Variants in LRRC37A observed in about 807,000 individuals in gnomAD.
LRRC37A encodes leucine-rich repeat-containing protein 37A.
LRRC37A carries 3 observed loss-of-function variants against 35.4 expected under a neutral mutation model. The ratio of observed to expected loss-of-function variants is 0.08; its 90% confidence interval spans 0.04 to 0.22. The LOEUF (loss-of-function observed/expected upper bound fraction) is 0.22. Among genes scored for constraint, LRRC37A ranks in the 10% least tolerant of loss-of-function variants. The pLI, the probability that LRRC37A is intolerant of heterozygous loss-of-function variation, is 1.00. For synonymous variants in LRRC37A, 23 were observed against 215.0 expected, an observed-to-expected ratio of 0.11 and a Z score of 7.81; for missense variants, 67 against 565.3, an observed-to-expected ratio of 0.12 and a Z score of 8.94.
chr17:46,286,250 A>T, the LRRC37A span, among the ~76,000 whole-genome samples: 16,197 of 150,352 alleles, frequency 0.11, 1,300 homozygotes, highest in Non-Finnish European at 0.16. Context: ...ACATTAATTT[A>T]GTATTTTTGA....
chr17:46,256,808 A>T, the LRRC37A span, among the ~76,000 whole-genome samples: 1 of 152,164 alleles, frequency 6.6e-6, no homozygotes, highest in Non-Finnish European at 1.5e-5. Context: ...ACCACCAAGA[A>T]GTCAGGTCTT....
At chr17:46,252,214 ATTT>A in the LRRC37A span, among the ~76,000 whole-genome samples, 5 of 150,360 alleles carry the variant, frequency 3.3e-5, no homozygotes, top group Non-Finnish European at 5.9e-5. Flanking sequence ...TGATTCATTG[ATTT>A]TTTTTTTCAG....
the LRRC37A span, among the ~76,000 whole-genome samples, chr17:46,279,271 C>T: frequency 0.12 from 17,873 of 147,364 alleles, 2 homozygotes; most frequent in Non-Finnish European, 0.18. Flanking sequence ...GCAACCTCCA[C>T]GTCTCAGGTT....
the LRRC37A span, among the ~76,000 whole-genome samples, chr17:46,256,672 C>T: frequency 6.6e-6 from 1 of 152,166 alleles, no homozygotes; most frequent in African/African-American, 2.4e-5. Context: ...AGGAAAATGG[C>T]TCTGTTACTT....
At chr17:46,265,474 C>G in the LRRC37A span, among the ~76,000 whole-genome samples, 1 of 135,314 alleles carries the variant, frequency 7.4e-6, no homozygotes, top group Non-Finnish European at 1.7e-5. Context: ...CTTCCTTCTT[C>G]TTCTTCTTTC....
chr17:46,277,660 T>TCA, the LRRC37A span, among the ~76,000 whole-genome samples: 1 of 151,262 alleles, frequency 6.6e-6, no homozygotes, highest in Non-Finnish European at 1.5e-5. Flanking sequence ...TTTCTTTTTT[T>TCA]TTTTTTGAGA....
the LRRC37A span, among the ~76,000 whole-genome samples, chr17:46,253,458 C>A: frequency 1.3e-5 from 2 of 152,170 alleles, no homozygotes; most frequent in African/African-American, 4.8e-5. Flanking sequence ...GCCTGGGCAC[C>A]ACTGAGCACT....
chr17:46,332,314 T>C (rs2051993861), intron 9 of LRRC37A, among the ~76,000 whole-genome samples: 1 of 68,860 alleles, frequency 1.5e-5, no homozygotes, highest in African/African-American at 7.5e-5. Flanking sequence ...ATTAGCTGGG[T>C]TGATGACACG....
the LRRC37A span, among the ~76,000 whole-genome samples, chr17:46,286,132 G>A: frequency 3.9e-5 from 6 of 152,222 alleles, no homozygotes; most frequent in African/African-American, 1.4e-4. Flanking sequence ...AAAACAGATG[G>A]GATGATGTTA....
At chr17:46,248,293 A>T in the LRRC37A span, among the ~76,000 whole-genome samples, 1 of 152,056 alleles carries the variant, frequency 6.6e-6, no homozygotes, top group East Asian at 1.9e-4. Flanking sequence ...GTACAATTTG[A>T]TGAGTTTTGA....
At chr17:46,265,269 TC>T in the LRRC37A span, among the ~76,000 whole-genome samples, 2 of 54,874 alleles carry the variant, frequency 3.6e-5, no homozygotes, top group African/African-American at 5.7e-5. Flanking sequence ...TTCTTCTTCT[TC>T]TTCTTCTTCT....
At chr17:46,252,250 G>A in the LRRC37A span, among the ~76,000 whole-genome samples, 1 of 151,642 alleles carries the variant, frequency 6.6e-6, no homozygotes, top group South Asian at 2.1e-4. Context: ...TGTCACCCAC[G>A]TTGGAGTGCA....
the LRRC37A span, among the ~76,000 whole-genome samples, chr17:46,287,242 C>T: frequency 3.9e-5 from 6 of 152,216 alleles, no homozygotes; most frequent in African/African-American, 1.4e-4. Flanking sequence ...AAAAAATAAA[C>T]CACACACTGA....
intron 5 of LRRC37A, among the ~76,000 whole-genome samples, chr17:46,319,212 A>ATTTTTTTTTTTTTTTTTT (rs1225879085): frequency 1.2e-3 from 2 of 1,640 alleles, no homozygotes; most frequent in South Asian, 0.028. Flanking sequence ...ATTGTGGTCA[A>ATTTTTTTTTTTTTTTTTT]TTTTTTTTTT....
At chr17:46,255,933 C>T in the LRRC37A span, among the ~76,000 whole-genome samples, 4 of 152,034 alleles carry the variant, frequency 2.6e-5, no homozygotes, top group Admixed American at 1.3e-4. Context: ...CCTCAGCCTC[C>T]CAAAGTGCTG....
chr17:46,282,294 G>A, the LRRC37A span, among the ~76,000 whole-genome samples: 7 of 151,898 alleles, frequency 4.6e-5, no homozygotes, highest in African/African-American at 1.4e-4. Flanking sequence ...TAGTAGAGAC[G>A]GGGTTTCACC....
upstream of LRRC37A, chr17:46,293,021 C>T (rs2143483699): frequency 2.0e-5 from 1 of 50,366 alleles, no homozygotes; most frequent in East Asian, 3.2e-4. Context: ...TGGTATGATC[C>T]CAGCTCATTG....
At chr17:46,256,630 C>T in the LRRC37A span, among the ~76,000 whole-genome samples, 1 of 152,318 alleles carries the variant, frequency 6.6e-6, no homozygotes, top group Middle Eastern at 3.4e-3. Flanking sequence ...AAAACCATCA[C>T]CGAACTAGCC....
the LRRC37A span, among the ~76,000 whole-genome samples, chr17:46,271,917 T>C: frequency 0.12 from 18,470 of 152,148 alleles, no homozygotes; most frequent in Non-Finnish European, 0.18. Context: ...GTGTGCCACT[T>C]GTCCAGCTAA....
Sources: allele counts gnomAD v4.1 joint callset (sites outside exome capture counted in the v4.1 genomes callset), GRCh38; gene constraint gnomAD v4.1.1; transcripts MANE v1.5; gene names NCBI Gene and HGNC (gene_info 2026-07-23, HGNC 2026-07-21).